The following DPP8 variants were observed in gnomAD, a reference collection of about 807,000 sequenced individuals.
DPP8 encodes dipeptidyl peptidase 8.
In DPP8, 31 loss-of-function variants were observed where a neutral mutation model predicts 107.5. That is an observed-to-expected ratio of 0.29 (90% CI 0.22 to 0.39). The LOEUF (loss-of-function observed/expected upper bound fraction) is 0.39. Among genes scored for constraint, DPP8 ranks in the 10% least tolerant of loss-of-function variants. DPP8 has a pLI of 1.00. For synonymous variants in DPP8, 381 were observed against 356.6 expected (o/e 1.07, Z -0.77); for missense variants, 842 against 1,076.1 (o/e 0.78, Z 3.04).
chr15:65,473,433 G>T (rs549460074), intron 12 of DPP8, among the ~76,000 whole-genome samples: 1 of 152,168 alleles, frequency 6.6e-6, no homozygotes, highest in South Asian at 2.1e-4. Context: ...GGGGCAAGTA[G>T]TAGATAGTTA....
intron 11 of DPP8, chr15:65,475,642 CA>C (rs2066316626): frequency 1.3e-6 from 1 of 794,636 alleles, no homozygotes; most frequent in African/African-American, 1.7e-5. Flanking sequence ...AGAAATGCAA[CA>C]AACTACTTTA....
intron 16 of DPP8, 69 bp downstream of exon 16, chr15:65,456,156 G>T: frequency 1.9e-6 from 3 of 1,542,116 alleles, no homozygotes; most frequent in Non-Finnish European, 2.6e-6. Flanking sequence ...TCTTTCAAGG[G>T]TTTCACACCA....
At chr15:65,474,124 T>C in intron 12 of DPP8, 85 bp downstream of exon 12, 3 of 1,000,894 alleles carry the variant, frequency 3.0e-6, no homozygotes, top group Non-Finnish European at 4.7e-6. Flanking sequence ...AATACCGGGG[T>C]CATATTAAAT....
chr15:65,503,806 G>A (rs2069559373), intron 3 of DPP8, among the ~76,000 whole-genome samples: 1 of 151,816 alleles, frequency 6.6e-6, no homozygotes, highest in Non-Finnish European at 1.5e-5. Flanking sequence ...TATATTTTTA[G>A]TAGAGATGGG....
intron 1 of DPP8, chr15:65,515,698 G>C (rs1399663394): frequency 6.2e-7 from 1 of 1,613,590 alleles, no homozygotes; most frequent in Non-Finnish European, 8.5e-7. Context: ...CACATTCAAA[G>C]AGATCTTTTT....
intron 6 of DPP8, among the ~76,000 whole-genome samples, 199 bp from the exon 7 acceptor site, chr15:65,488,017 AAAC>A (rs2067606420): frequency 2.6e-5 from 4 of 152,206 alleles, no homozygotes; most frequent in Admixed American, 6.6e-5. Context: ...TTTGGAGGGA[AAAC>A]AACTGGAGAT....
At chr15:65,448,917 TATATA>T (rs2063754419) in intron 19 of DPP8, among the ~76,000 whole-genome samples, 2 of 92,558 alleles carry the variant, frequency 2.2e-5, no homozygotes, top group East Asian at 2.4e-4. Flanking sequence ...TATATATATA[TATATA>T]TTTAGCCTGG....
At chr15:65,466,961 T>C in intron 13 of DPP8, 110 bp downstream of exon 13, 1 of 1,459,418 alleles carries the variant, frequency 6.9e-7, no homozygotes. Flanking sequence ...TTAAAGCTTT[T>C]CCTTAGAGAA....
At chr15:65,455,318 GA>G (rs779530126) in intron 16 of DPP8, 5 of 156,928 alleles carry the variant, frequency 3.2e-5, no homozygotes, top group Non-Finnish European at 7.0e-5. Flanking sequence ...CTCATTTGTA[GA>G]GGTGGGGTCT....
chr15:65,474,826 T>C (rs1042251751), intron 11 of DPP8, among the ~76,000 whole-genome samples: 4 of 152,134 alleles, frequency 2.6e-5, no homozygotes, highest in African/African-American at 4.8e-5. Flanking sequence ...AGTCTACAGT[T>C]AAAAAAAATC....
chr15:65,511,589 A>G (rs2070774638), intron 2 of DPP8, among the ~76,000 whole-genome samples: 1 of 144,034 alleles, frequency 6.9e-6, no homozygotes, highest in Non-Finnish European at 1.5e-5. Context: ...GCAGTGAGCC[A>G]TTAGTGTGCC....
intron 17 of DPP8, 59 bp downstream of exon 17, chr15:65,454,204 T>A: frequency 8.4e-7 from 1 of 1,191,596 alleles, no homozygotes; most frequent in Non-Finnish European, 1.1e-6. Context: ...TCATATATCC[T>A]CCATTTACAG....
At chr15:65,467,692 G>A (rs1314042201) in intron 12 of DPP8, among the ~76,000 whole-genome samples, 3 of 152,114 alleles carry the variant, frequency 2.0e-5, no homozygotes, top group Non-Finnish European at 4.4e-5. Flanking sequence ...ATGACTTATA[G>A]CTAAGAACAG....
chr15:65,488,743 A>C (rs2067698446), intron 6 of DPP8, among the ~76,000 whole-genome samples: 1 of 152,176 alleles, frequency 6.6e-6, no homozygotes, highest in Non-Finnish European at 1.5e-5. Flanking sequence ...GTATTAGGCC[A>C]CAATATAAGT....
chr15:65,508,628 G>A (rs190447370), intron 2 of DPP8, among the ~76,000 whole-genome samples: 202 of 152,216 alleles, frequency 1.3e-3, no homozygotes, highest in African/African-American at 4.6e-3. Context: ...TGAGGTGGGC[G>A]GATTACCTGA....
chr15:65,468,708 T>C (rs1385590932), intron 12 of DPP8, among the ~76,000 whole-genome samples: 1 of 152,000 alleles, frequency 6.6e-6, no homozygotes, highest in Non-Finnish European at 1.5e-5. Flanking sequence ...AGGAAACAAA[T>C]ATTCATGAAA....
At chr15:65,462,780 A>G (rs920864075) in intron 15 of DPP8, among the ~76,000 whole-genome samples, 2 of 152,010 alleles carry the variant, frequency 1.3e-5, no homozygotes, top group South Asian at 4.2e-4. Flanking sequence ...GGGTTTCATC[A>G]TTGTTGGCCA....
chr15:65,450,369 G>A (rs548162979), intron 19 of DPP8, among the ~76,000 whole-genome samples: 1 of 152,122 alleles, frequency 6.6e-6, no homozygotes, highest in East Asian at 1.9e-4. Context: ...TTCTTTGGTA[G>A]GTAAAGGTGT....
intron 11 of DPP8, chr15:65,475,194 T>C (rs1247218808): frequency 2.2e-6 from 1 of 450,256 alleles, no homozygotes; most frequent in Non-Finnish European, 4.1e-6. Flanking sequence ...AATGCAGTGA[T>C]ATTTCTGCCA....
Sources: allele counts gnomAD v4.1 joint callset (sites outside exome capture counted in the v4.1 genomes callset), GRCh38; gene constraint gnomAD v4.1.1; transcripts MANE v1.5; gene names NCBI Gene and HGNC (gene_info 2026-07-23, HGNC 2026-07-21).